SMG6: variants seen among roughly 807,000 people sequenced by gnomAD.
SMG6 encodes telomerase-binding protein EST1A.
Under a neutral mutation model 142.2 loss-of-function variants are expected in SMG6, and 66 were observed. That is an observed-to-expected ratio of 0.46 (90% CI 0.38 to 0.57). The LOEUF is 0.57. Among genes scored for constraint, SMG6 ranks in the 20% least tolerant of loss-of-function variants. The pLI, the probability that SMG6 is intolerant of heterozygous loss-of-function variation, is 0.00. For synonymous variants in SMG6, 779 were observed against 702.4 expected, an observed-to-expected ratio of 1.11 and a Z score of -1.72; for missense variants, 1,793 against 1,832.0, an observed-to-expected ratio of 0.98 and a Z score of 0.39.
intron 12 of SMG6, among the ~76,000 whole-genome samples, chr17:2,177,580 C>T (rs2071686772): frequency 6.6e-6 from 1 of 152,154 alleles, no homozygotes; most frequent in Non-Finnish European, 1.5e-5. Flanking sequence ...TGGAGGTGGC[C>T]ATTTCCTGTG....
At chr17:2,087,193 T>A (rs2068587333) in intron 13 of SMG6, 1 of 1,290,354 alleles carries the variant, frequency 7.7e-7, no homozygotes, top group Non-Finnish European at 1.0e-6. Flanking sequence ...GCAAGAATTG[T>A]AAGGACAAGC....
At chr17:2,151,165 G>C (rs1227780676) in intron 13 of SMG6, among the ~76,000 whole-genome samples, 3 of 152,196 alleles carry the variant, frequency 2.0e-5, no homozygotes, top group African/African-American at 7.2e-5. Context: ...TCCACAGTCT[G>C]CACTGCTCCA....
At chr17:2,211,548 C>T (rs1288778616) in intron 10 of SMG6, among the ~76,000 whole-genome samples, 1 of 151,690 alleles carries the variant, frequency 6.6e-6, no homozygotes, top group Non-Finnish European at 1.5e-5. Context: ...CCTGTAGTCT[C>T]AGCTACTCGG....
At chr17:2,160,865 T>C (rs1291960707) in intron 13 of SMG6, among the ~76,000 whole-genome samples, 2 of 151,834 alleles carry the variant, frequency 1.3e-5, no homozygotes, top group Non-Finnish European at 1.5e-5. Flanking sequence ...AATATAATTA[T>C]GAAGTAAAAA....
chr17:2,104,007 A>G (rs1054978598), intron 13 of SMG6, among the ~76,000 whole-genome samples: 1 of 150,568 alleles, frequency 6.6e-6, no homozygotes, highest in African/African-American at 2.5e-5. Flanking sequence ...GCAGGAGTGT[A>G]ATGGCACGAT....
At chr17:2,072,471 G>A (rs1205933861) in intron 15 of SMG6, among the ~76,000 whole-genome samples, 1 of 152,186 alleles carries the variant, frequency 6.6e-6, no homozygotes, top group Admixed American at 6.5e-5. Context: ...GGAGTTTCCT[G>A]GAGCAAGCTG....
chr17:2,066,229 CTT>C (rs937617360), intron 16 of SMG6: 47 of 169,488 alleles, frequency 2.8e-4, no homozygotes, highest in African/African-American at 1.0e-3. Context: ...GCACATCTAC[CTT>C]CTCTGATACT....
chr17:2,277,743 T>C (rs918186562), intron 8 of SMG6, among the ~76,000 whole-genome samples: 3 of 152,184 alleles, frequency 2.0e-5, no homozygotes, highest in Non-Finnish European at 4.4e-5. Flanking sequence ...TATCCTCCTT[T>C]TTGTTAAAAA....
At chr17:2,230,237 A>AAG (rs1567701421) in intron 10 of SMG6, among the ~76,000 whole-genome samples, 1 of 137,694 alleles carries the variant, frequency 7.3e-6, no homozygotes, top group African/African-American at 2.7e-5. Flanking sequence ...AGAAAGGAAA[A>AAG]GAAAAGTGTC....
intron 10 of SMG6, among the ~76,000 whole-genome samples, chr17:2,213,546 G>A (rs2072925836): frequency 6.6e-6 from 1 of 152,232 alleles, no homozygotes; most frequent in Non-Finnish European, 1.5e-5. Flanking sequence ...CACACATGTT[G>A]AGGGATGAGG....
chr17:2,210,766 AAATAAAAT>A (rs1011420223), intron 10 of SMG6, among the ~76,000 whole-genome samples: 6 of 150,842 alleles, frequency 4.0e-5, no homozygotes, highest in African/African-American at 1.5e-4. Flanking sequence ...CTTTAAAAAA[AAATAAAAT>A]AAAAAAAAAA....
chr17:2,161,254 A>C (rs1428246388), intron 13 of SMG6, among the ~76,000 whole-genome samples: 1 of 151,762 alleles, frequency 6.6e-6, no homozygotes, highest in African/African-American at 2.4e-5. Flanking sequence ...ACAGGCGTGC[A>C]TCACCAAGCC....
intron 13 of SMG6, among the ~76,000 whole-genome samples, chr17:2,153,558 C>A (rs1043915323): frequency 2.0e-5 from 3 of 152,184 alleles, no homozygotes; most frequent in African/African-American, 7.2e-5. Context: ...ACTGGTGGAA[C>A]GCCACTCCAC....
At chr17:2,162,881 G>C (rs555495125) in intron 13 of SMG6, among the ~76,000 whole-genome samples, 1 of 152,254 alleles carries the variant, frequency 6.6e-6, no homozygotes, top group East Asian at 1.9e-4. Context: ...GCCCAGGCTG[G>C]AGTGCAGTGG....
intron 12 of SMG6, among the ~76,000 whole-genome samples, chr17:2,185,058 A>G (rs937564494): frequency 6.6e-6 from 1 of 151,882 alleles, no homozygotes; most frequent in Non-Finnish European, 1.5e-5. Flanking sequence ...TTGGGGACAC[A>G]TGAATCCCAT....
chr17:2,081,501 C>G (rs1328542980), intron 15 of SMG6, among the ~76,000 whole-genome samples: 1 of 152,120 alleles, frequency 6.6e-6, no homozygotes, highest in Non-Finnish European at 1.5e-5. Context: ...AACTCTGAAA[C>G]CCCTCACATT....
chr17:2,228,026 C>CAAGCATA (rs1387559190), intron 10 of SMG6, among the ~76,000 whole-genome samples: 2 of 152,156 alleles, frequency 1.3e-5, no homozygotes, highest in Admixed American at 1.3e-4. Flanking sequence ...TAGCACGATA[C>CAAGCATA]CATCTCTATG....
intron 13 of SMG6, among the ~76,000 whole-genome samples, chr17:2,146,474 G>C (rs1167909420): frequency 6.6e-6 from 1 of 152,170 alleles, no homozygotes; most frequent in Non-Finnish European, 1.5e-5. Context: ...AAGACAAAAA[G>C]ACTAAATTTG....
chr17:2,298,123 G>C, intron 2 of SMG6, 68 bp from the exon 3 acceptor site: 1 of 1,449,532 alleles, frequency 6.9e-7, no homozygotes, highest in Non-Finnish European at 9.2e-7. Flanking sequence ...CAAGTTTTGA[G>C]ATTCCTGCAA....
Sources: gnomAD v4.1 joint callset for allele counts (sites outside exome capture counted in the v4.1 genomes callset) on GRCh38, gnomAD v4.1.1 for gene constraint, MANE v1.5 for transcripts, NCBI Gene and HGNC (gene_info 2026-07-23, HGNC 2026-07-21) for gene names.